ADGRV1: variants seen among roughly 807,000 people sequenced by gnomAD.
The protein encoded by ADGRV1 is G-protein coupled receptor 98.
A neutral mutation model predicts 596.2 loss-of-function variants in ADGRV1; 359 were observed. That is an observed-to-expected ratio of 0.60 (90% confidence interval 0.55 to 0.66). The LOEUF is 0.66. ADGRV1 is among the 30% of genes least tolerant of loss of function. ADGRV1 has a pLI of 0.00. For missense variants in ADGRV1, 7,274 were observed against 7,575.6 expected (o/e 0.96, Z 1.48); for synonymous variants, 2,681 against 2,679.2 (o/e 1.00, Z -0.02).
intron 24 of ADGRV1, 114 bp from the exon 25 acceptor site, chr5:90,675,966 A>G (rs1773204498): frequency 2.8e-6 from 2 of 719,242 alleles, no homozygotes; most frequent in South Asian, 5.1e-5. Flanking sequence ...TAGCATTTAT[A>G]ATAATTTGGG....
chr5:90,877,419 A>G (rs1315847552), intron 83 of ADGRV1, among the ~76,000 whole-genome samples: 1 of 152,140 alleles, frequency 6.6e-6, no homozygotes, highest in Non-Finnish European at 1.5e-5. Context: ...AATTTTTTGG[A>G]AAGAATTTGG....
At chr5:90,775,497 G>A (rs965979392) in intron 60 of ADGRV1, among the ~76,000 whole-genome samples, 16 of 152,246 alleles carry the variant, frequency 1.1e-4, no homozygotes, top group South Asian at 6.2e-4. Context: ...ATTTTTTTGA[G>A]GCAGGGTCTT....
At chr5:91,095,275 C>G (rs188964901) in intron 86 of ADGRV1, among the ~76,000 whole-genome samples, 99 of 152,132 alleles carry the variant, frequency 6.5e-4, no homozygotes, top group African/African-American at 2.0e-3. Context: ...AGTCAGCTCA[C>G]TGAAACCTCC....
In ADGRV1 at chr5:90,753,579, A is replaced by G; in HGVS notation, c.11127A>G (p.Leu3709=). The G allele has an allele frequency of 1.3e-6, 2 of 1,592,894 alleles. No individual in the cohort carries two copies. The highest frequency in any genetic ancestry group is 1.1e-5 in the South Asian group (1 of 89,218). Residue 3709 remains leucine, a synonymous_variant, in exon 54 of 90, where the codon TTA becomes TTG. Coordinates refer to ENST00000405460, the MANE Select transcript of ADGRV1 (RefSeq NM_032119.4). ...SDIFPTSGVI[L]FTEGQVLSTI... is the part of the protein sequence containing the mutation. ...TTCTTTCTTTAAAATTCTAGATTTTATTTACTGAAGGCCAGGTACTGTCAA... is the reference window on the plus strand; with the variant it reads ...TTCTTTCTTTAAAATTCTAGATTTTGTTTACTGAAGGCCAGGTACTGTCAA...
intron 85 of ADGRV1, among the ~76,000 whole-genome samples, chr5:91,059,842 A>G (rs544854829): frequency 1.3e-5 from 2 of 152,320 alleles, no homozygotes; most frequent in South Asian, 4.1e-4. Flanking sequence ...ACATTTCTTA[A>G]GTTTCCAGTT....
At chr5:90,841,065 CTCTTT>C (rs1765385906) in intron 78 of ADGRV1, 80 bp downstream of exon 78, 1 of 917,312 alleles carries the variant, frequency 1.1e-6, no homozygotes, top group Admixed American at 3.1e-5. Context: ...AAATCACATT[CTCTTT>C]TAACATTGGT....
chr5:91,031,103 C>T, intron 85 of ADGRV1: 1 of 1,397,262 alleles, frequency 7.2e-7, no homozygotes, highest in East Asian at 2.3e-5. Context: ...GTTTTGGGAT[C>T]AGCTCTTGTA....
intron 21 of ADGRV1, among the ~76,000 whole-genome samples, chr5:90,671,384 C>T (rs1343360067): frequency 6.6e-6 from 1 of 152,128 alleles, no homozygotes; most frequent in South Asian, 2.1e-4. Flanking sequence ...TGACCTATCA[C>T]CTGGTTGTTT....
At chr5:90,786,479 G>A (rs181228538) in intron 67 of ADGRV1, among the ~76,000 whole-genome samples, 2 of 152,302 alleles carry the variant, frequency 1.3e-5, no homozygotes, top group East Asian at 1.9e-4. Flanking sequence ...TCACCAGATT[G>A]TCTTTTAAAG....
intron 1 of ADGRV1, among the ~76,000 whole-genome samples, chr5:90,582,972 T>G (rs1023420108): frequency 2.0e-5 from 3 of 152,190 alleles, no homozygotes; most frequent in African/African-American, 7.2e-5. Flanking sequence ...TAGTGTTAAA[T>G]TGAAAACATC....
chr5:90,645,844 G>A (rs1034609992), intron 15 of ADGRV1, 124 bp from the exon 16 acceptor site: 10 of 702,876 alleles, frequency 1.4e-5, no homozygotes, highest in East Asian at 7.3e-5. Context: ...TTCTGCCTCC[G>A]AAAAGGAAAT....
chr5:90,672,554 G>A lies in ADGRV1; in HGVS notation c.4761G>A (p.Glu1587=). ...TTTACATTCAATTTCAGATTGCAGAGGAGGGATCAACCATTTCTTGTGTGG... is the reference window on the plus strand; with the variant it reads ...TTTACATTCAATTTCAGATTGCAGAAGAGGGATCAACCATTTCTTGTGTGG... ...FTGACIPEIA[E]EGSTISCVVE... is the part of the protein sequence containing the mutation. Residue 1587 remains glutamate, a synonymous_variant, in exon 22 of 90, where the codon GAG becomes GAA. Transcript: ENST00000405460. The A allele has an allele frequency of 6.2e-7, 1 of 1,613,238 alleles. No homozygotes were observed. The highest frequency in any genetic ancestry group is 8.5e-7 in the Non-Finnish European group (1 of 1,179,388).
intron 59 of ADGRV1, among the ~76,000 whole-genome samples, chr5:90,771,108 T>A (rs190903945): frequency 6.6e-6 from 1 of 152,178 alleles, no homozygotes; most frequent in Non-Finnish European, 1.5e-5. Flanking sequence ...ATTTTTTATA[T>A]CTTTCTGGGA....
chr5:90,589,118 T>C (rs1759149715), intron 1 of ADGRV1, among the ~76,000 whole-genome samples: 3 of 152,176 alleles, frequency 2.0e-5, no homozygotes, highest in Admixed American at 2.0e-4. Flanking sequence ...AAGACAATTA[T>C]CATGATAGAA....
In ADGRV1 at chr5:90,984,062, A is replaced by G. The variant is rs546720728; in HGVS notation, c.17974-1282A>G. On this transcript the variant is annotated intron_variant, in intron 84 of 89. Coordinates refer to ENST00000405460, the MANE Select transcript of ADGRV1 (RefSeq NM_032119.4). ...TCACATTTTCCAGCATTGACTATGTATGTGCTCAGCACTTTACATGTAACA... is the reference window on the plus strand; with the variant it reads ...TCACATTTTCCAGCATTGACTATGTGTGTGCTCAGCACTTTACATGTAACA... 2.5e-3 allele frequency among the ~76,000 whole-genome samples: 381 copies of G among 152,360 alleles called. 2 individuals are homozygous for G. Among genetic ancestry groups the G allele is most frequent in the African/African-American group, 8.8e-3 (368 of 41,590 alleles).
At position 90,805,558 on chromosome 5, in the gene ADGRV1, A is replaced by G. The variant is rs1292114915; in HGVS notation, c.14836+100A>G. On this transcript the variant is annotated intron_variant, in intron 72 of 89. Coordinates refer to ENST00000405460, the MANE Select transcript of ADGRV1 (RefSeq NM_032119.4). ...TATCCTTATTCTGGACACTAAATGTAGTTTTCGAATACAATGCTCCCATAT... is the reference window on the plus strand; with the variant it reads ...TATCCTTATTCTGGACACTAAATGTGGTTTTCGAATACAATGCTCCCATAT... The G allele has an allele frequency of 4.0e-6, 4 of 1,004,602 alleles. No individual in the cohort carries two copies. In the Admixed American group the frequency reaches 1.1e-4, roughly 27 times the overall value. The allele number at this position is 1,004,602 out of a possible 1,614,324, so 62.2% of individuals were successfully genotyped here.
intron 85 of ADGRV1, among the ~76,000 whole-genome samples, chr5:91,068,446 A>T (rs1257926491): frequency 5.3e-5 from 8 of 151,656 alleles, no homozygotes; most frequent in African/African-American, 1.9e-4. Context: ...TTGAGCCTGG[A>T]TGACAGAGCG....
At chr5:90,682,990 G>C (rs1745140762) in intron 27 of ADGRV1, among the ~76,000 whole-genome samples, 1 of 152,050 alleles carries the variant, frequency 6.6e-6, no homozygotes, top group African/African-American at 2.4e-5. Flanking sequence ...TCACTTTTCA[G>C]AAAAACACCA....
chr5:90,735,179 T>G lies in ADGRV1; in HGVS notation c.10549+5415T>G, dbSNP rs139304420. Among the ~76,000 whole-genome samples, 373 of 152,310 alleles carry G rather than the reference T, an allele frequency of 2.4e-3. 4 individuals carry two copies. The highest frequency in any genetic ancestry group is 0.022 in the South Asian group (105 of 4,822). ...CTTAAGGTCTTTAATTTATTTTGAG[T>G]TGATTTATGTATTTGGTATGAAATA... On this transcript the variant is annotated intron_variant, in intron 50 of 89. Coordinates refer to ENST00000405460, the MANE Select transcript of ADGRV1 (RefSeq NM_032119.4).
Sources: allele counts gnomAD v4.1 joint callset (sites outside exome capture counted in the v4.1 genomes callset), GRCh38; gene constraint gnomAD v4.1.1; transcripts MANE v1.5; gene names NCBI Gene and HGNC (gene_info 2026-07-23, HGNC 2026-07-21).